MPP7: variants seen among roughly 807,000 people sequenced by gnomAD.
The protein encoded by MPP7 is MAGUK p55 scaffold protein 7.
In MPP7, 60 loss-of-function variants were observed where a neutral mutation model predicts 76.5. That is an observed-to-expected ratio of 0.78 (90% CI 0.64 to 0.97). MPP7 has a LOEUF of 0.97. Ranked by LOEUF, MPP7 falls within the 50% of genes least tolerant of loss-of-function variation. The pLI is 0.00. For synonymous variants in MPP7, 237 were observed against 244.5 expected (o/e 0.97, Z 0.29); for missense variants, 641 against 694.0 (o/e 0.92, Z 0.86).
intron 1 of MPP7, among the ~76,000 whole-genome samples, chr10:28,247,067 A>G (rs1176617757): frequency 1.3e-5 from 2 of 152,216 alleles, no homozygotes; most frequent in Non-Finnish European, 2.9e-5. Context: ...TCATTTACAA[A>G]TATCAATAGT....
chr10:28,180,441 T>C (rs771345120), intron 3 of MPP7, among the ~76,000 whole-genome samples: 1 of 152,140 alleles, frequency 6.6e-6, no homozygotes, highest in African/African-American at 2.4e-5. Flanking sequence ...GACAAGAAAA[T>C]GAATATGAAC....
At chr10:28,283,576 GC>G (rs1257684012) in intron 1 of MPP7, among the ~76,000 whole-genome samples, 3 of 151,912 alleles carry the variant, frequency 2.0e-5, no homozygotes, top group African/African-American at 7.3e-5. Flanking sequence ...GTGCAGTGGC[GC>G]AATCTCAGCT....
At chr10:28,304,609 T>A (rs1187874262), upstream of MPP7, among the ~76,000 whole-genome samples, 1 of 152,212 alleles carries the variant, frequency 6.6e-6, no homozygotes, top group Non-Finnish European at 1.5e-5. Context: ...AATTCTAAAC[T>A]GTAGTCTAAA....
intron 13 of MPP7, among the ~76,000 whole-genome samples, chr10:28,066,521 C>T (rs11006828): frequency 0.051 from 7,785 of 152,210 alleles, 237 homozygotes; most frequent in Middle Eastern, 0.11. Context: ...ACCAGAAAAT[C>T]AGCAAACTAC....
At chr10:28,239,346 C>CA (rs1186521216) in intron 1 of MPP7, among the ~76,000 whole-genome samples, 1 of 151,694 alleles carries the variant, frequency 6.6e-6, no homozygotes. Flanking sequence ...GGGGTTTCAC[C>CA]ATGTTGGCCA....
At chr10:28,235,504 G>C (rs529355925) in intron 2 of MPP7, among the ~76,000 whole-genome samples, 2 of 152,128 alleles carry the variant, frequency 1.3e-5, no homozygotes, top group South Asian at 4.2e-4. Context: ...ATGATAGAGG[G>C]GATATTAAAA....
intron 2 of MPP7, among the ~76,000 whole-genome samples, chr10:28,313,499 C>G (rs1435506263): frequency 7.0e-6 from 1 of 143,776 alleles, no homozygotes; most frequent in Non-Finnish European, 1.5e-5. Flanking sequence ...GAGCAAGACT[C>G]TGTCTCAGAA....
intron 3 of MPP7, among the ~76,000 whole-genome samples, chr10:28,162,486 G>A (rs549886304): frequency 2.6e-5 from 4 of 152,194 alleles, no homozygotes; most frequent in Admixed American, 6.5e-5. Context: ...TATACTTACC[G>A]GGAAAGAGAG....
chr10:28,262,902 A>G (rs1462538666), intron 1 of MPP7, among the ~76,000 whole-genome samples: 1 of 152,132 alleles, frequency 6.6e-6, no homozygotes, highest in Non-Finnish European at 1.5e-5. Flanking sequence ...CTAAAAATAA[A>G]AAAATTAGCC....
intron 3 of MPP7, among the ~76,000 whole-genome samples, chr10:28,161,813 C>G (rs1453423121): frequency 2.0e-5 from 3 of 152,176 alleles, no homozygotes; most frequent in Admixed American, 6.5e-5. Flanking sequence ...TCCTTAGAAT[C>G]ATATGGCTAT....
chr10:28,303,660 G>GA (rs1213859072), upstream of MPP7, among the ~76,000 whole-genome samples: 14 of 151,416 alleles, frequency 9.2e-5, no homozygotes, highest in South Asian at 2.1e-4. Context: ...TACATGATTA[G>GA]AAAAAAAAAT....
intron 11 of MPP7, among the ~76,000 whole-genome samples, chr10:28,091,773 T>C (rs1853318688): frequency 6.6e-6 from 1 of 152,238 alleles, no homozygotes; most frequent in Admixed American, 6.5e-5. Flanking sequence ...TTGAGTGTTA[T>C]TTCATCTGTA....
At chr10:28,273,541 G>A (rs1840394740) in intron 1 of MPP7, among the ~76,000 whole-genome samples, 1 of 152,160 alleles carries the variant, frequency 6.6e-6, no homozygotes, top group Non-Finnish European at 1.5e-5. Flanking sequence ...AATGAACTGA[G>A]AACATTCTAC....
In MPP7 at chr10:28,053,820, GACA is replaced by G; in HGVS notation, c.*242_*244del. On this transcript the variant is annotated 3_prime_UTR_variant, in exon 17 of 17. Transcript: ENST00000683449. ...ATCTTGGAGATAGAGCGGTATTGAA[GACA>G]ACGAGAAGGTTTGAGGTTTTGCTTA... The G allele has an allele frequency of 6.3e-6, 3 of 472,510 alleles. No homozygotes were observed. Among genetic ancestry groups the G allele is most frequent in the East Asian group, 4.0e-5 (1 of 24,884 alleles). The allele number at this position is 472,510 out of a possible 1,614,324, so 29.3% of individuals were successfully genotyped here. A position where few individuals can be genotyped will look rare whatever the true frequency, so the allele number is the denominator to read the frequency against.
rs973132284 is a variant in MPP7, at chr10:28,313,756, G to A, written c.-132+16173C>T. 7.2e-5 allele frequency among the ~76,000 whole-genome samples: 11 copies of A among 151,896 alleles called. No individual in the cohort carries two copies. In the East Asian group the frequency reaches 2.1e-3, roughly 29 times the overall value. On this transcript the variant is annotated intron_variant, in intron 2 of 11. Coordinates refer to the MPP7 transcript ENST00000441595. Reference sequence around the variant, plus strand: ...GGTTGGAGTACAGTGGCACAATCTTGGCTCACCGCAGCCTGAACTTCCTGG... The same window carrying A: ...GGTTGGAGTACAGTGGCACAATCTTAGCTCACCGCAGCCTGAACTTCCTGG...
chr10:28,202,301 A>G, intron 2 of MPP7, 30 bp from the exon 3 acceptor site: 1 of 1,471,736 alleles, frequency 6.8e-7, no homozygotes, highest in Non-Finnish European at 9.4e-7. Context: ...CACAAAGTGT[A>G]ATCTTAGAGT....
At chr10:28,211,105 T>G (rs1049395843) in intron 2 of MPP7, among the ~76,000 whole-genome samples, 1 of 145,052 alleles carries the variant, frequency 6.9e-6, no homozygotes, top group Non-Finnish European at 1.5e-5. Flanking sequence ...TCACTGTCTT[T>G]TCTTTTTTTT....
intron 1 of MPP7, among the ~76,000 whole-genome samples, chr10:28,274,204 G>A (rs1037982444): frequency 1.6e-4 from 24 of 146,238 alleles, no homozygotes; most frequent in African/African-American, 6.2e-4. Context: ...CCAGGTTCAT[G>A]CCATTCTCCT....
intron 1 of MPP7, among the ~76,000 whole-genome samples, chr10:28,298,239 A>G (rs1456358146): frequency 6.6e-6 from 1 of 152,236 alleles, no homozygotes; most frequent in Non-Finnish European, 1.5e-5. Context: ...TACTTAGCCA[A>G]GATCCATCAG....
Sources: gnomAD v4.1 joint callset for allele counts (sites outside exome capture counted in the v4.1 genomes callset) on GRCh38, gnomAD v4.1.1 for gene constraint, MANE v1.5 for transcripts, NCBI Gene and HGNC (gene_info 2026-07-23, HGNC 2026-07-21) for gene names.